UBR3: variants seen among roughly 807,000 people sequenced by gnomAD.
The protein encoded by UBR3 is E3 ubiquitin-protein ligase UBR3.
Under a neutral mutation model 243.2 loss-of-function variants are expected in UBR3, and 85 were observed. That is an observed-to-expected ratio of 0.35 (90% CI 0.29 to 0.42). The LOEUF is 0.42. Ranked by LOEUF, UBR3 falls within the 10% of genes least tolerant of loss-of-function variation. The pLI, the probability that UBR3 is intolerant of heterozygous loss-of-function variation, is 1.00. For missense variants in UBR3, 1,686 were observed against 2,300.8 expected (o/e 0.73, Z 5.47); for synonymous variants, 748 against 799.8 (o/e 0.94, Z 1.09).
At chr2:170,050,904 T>G (rs954243470) in intron 32 of UBR3, among the ~76,000 whole-genome samples, 2 of 152,234 alleles carry the variant, frequency 1.3e-5, no homozygotes, top group Non-Finnish European at 2.9e-5. Flanking sequence ...CATGGGAGAT[T>G]GGTTCCACGA....
chr2:169,888,888 C>G (rs941590754), intron 5 of UBR3, among the ~76,000 whole-genome samples: 5 of 151,936 alleles, frequency 3.3e-5, no homozygotes, highest in Admixed American at 3.3e-4. Context: ...TATATATTTA[C>G]CTAATCATCT....
intron 9 of UBR3, among the ~76,000 whole-genome samples, chr2:169,905,739 C>T (rs976841667): frequency 3.3e-5 from 5 of 152,078 alleles, no homozygotes; most frequent in African/African-American, 1.2e-4. Flanking sequence ...ATTCGTAACA[C>T]GTAAAGCTTT....
chr2:169,989,188 A>T (rs772088981), intron 25 of UBR3, among the ~76,000 whole-genome samples: 4 of 152,236 alleles, frequency 2.6e-5, no homozygotes, highest in Non-Finnish European at 4.4e-5. Context: ...GTTAAAAAGA[A>T]AGGTCTTGTT....
At chr2:170,004,694 T>G (rs1186249425) in intron 27 of UBR3, among the ~76,000 whole-genome samples, 1 of 149,854 alleles carries the variant, frequency 6.7e-6, no homozygotes, top group Non-Finnish European at 1.5e-5. Context: ...GTGGATCACC[T>G]GAGGTCAGGA....
intron 1 of UBR3, among the ~76,000 whole-genome samples, chr2:169,859,875 C>A (rs369881748): frequency 5.3e-5 from 8 of 152,080 alleles, no homozygotes; most frequent in Non-Finnish European, 1.2e-4. Context: ...CGCTACCACA[C>A]CCGGCTAATT....
chr2:169,941,460 G>C (rs2086584388), intron 19 of UBR3, among the ~76,000 whole-genome samples: 1 of 152,126 alleles, frequency 6.6e-6, no homozygotes, highest in African/African-American at 2.4e-5. Context: ...ATTATTTCTG[G>C]AGATTTTCAT....
chr2:169,956,082 C>T (rs1409462608), intron 23 of UBR3, among the ~76,000 whole-genome samples: 1 of 151,822 alleles, frequency 6.6e-6, no homozygotes, highest in Non-Finnish European at 1.5e-5. Flanking sequence ...ACTGTGAGTT[C>T]ACTCTGATAC....
At position 170,034,531 on chromosome 2, in the gene UBR3, A is replaced by G. The variant is rs532096053; in HGVS notation, c.4556+5083A>G. Among the ~76,000 whole-genome samples, 19 of 152,076 alleles carry G rather than the reference A, an allele frequency of 1.2e-4. No individual in the cohort carries two copies. The South Asian group carries it at 3.9e-3, about 32-fold the overall frequency. ...GATAGCTCATTTCTATATAATAGAA[A>G]TAACAATCCATTGTCTGTACCACAA... On this transcript the variant is annotated intron_variant, in intron 31 of 38. Coordinates refer to ENST00000272793, the MANE Select transcript of UBR3 (RefSeq NM_172070.4).
intron 1 of UBR3, among the ~76,000 whole-genome samples, chr2:169,840,010 A>G (rs1193572242): frequency 6.6e-6 from 1 of 152,208 alleles, no homozygotes; most frequent in African/African-American, 2.4e-5. Context: ...TTAAGGATTC[A>G]GGGTGGGAGG....
intron 1 of UBR3, among the ~76,000 whole-genome samples, chr2:169,859,081 CTTTTTTTTTTTTT>C (rs575814312): frequency 1.0e-5 from 1 of 99,748 alleles, no homozygotes; most frequent in African/African-American, 4.3e-5. Flanking sequence ...CTCACCATGG[CTTTTTTTTTTTTT>C]TTTTTTTTTG....
Position 170,059,317 on chromosome 2 carries a change from T to C in UBR3, c.4786-1762T>C, listed in dbSNP as rs145360729. Among the ~76,000 whole-genome samples, 669 of 152,326 alleles carry C rather than the reference T, an allele frequency of 4.4e-3. 5 individuals are homozygous for C. The highest frequency in any genetic ancestry group is 9.4e-3 in the Admixed American group (144 of 15,306). On this transcript the variant is annotated intron_variant, in intron 33 of 38. Coordinates refer to ENST00000272793, the MANE Select transcript of UBR3 (RefSeq NM_172070.4). ...CACTCAGTGACTTACTTAGCTGATC[T>C]GAACAGAAATACTCTTCTGTTGTAC...
chr2:170,006,756 GTAAGA>G (rs1466531042), intron 27 of UBR3, among the ~76,000 whole-genome samples: 2 of 152,166 alleles, frequency 1.3e-5, no homozygotes, highest in Non-Finnish European at 2.9e-5. Context: ...TGAGAGAAGA[GTAAGA>G]TACTTAAACA....
intron 36 of UBR3, among the ~76,000 whole-genome samples, chr2:170,074,665 T>A (rs980920841): frequency 1.3e-5 from 2 of 152,218 alleles, no homozygotes; most frequent in Admixed American, 6.5e-5. Context: ...GTTTGCTAAG[T>A]AACATTTACC....
intron 7 of UBR3, 143 bp from the exon 8 acceptor site, chr2:169,896,364 A>G (rs2084592070): frequency 1.8e-6 from 1 of 546,484 alleles, no homozygotes; most frequent in Non-Finnish European, 3.1e-6. Flanking sequence ...AGACTACCTC[A>G]CCATCGAGAT....
chr2:169,945,354 C>A (rs2086748534), intron 20 of UBR3, among the ~76,000 whole-genome samples: 1 of 152,098 alleles, frequency 6.6e-6, no homozygotes, highest in African/African-American at 2.4e-5. Context: ...AATATAGAAG[C>A]CCTCTGAATA....
At chr2:169,892,954 T>C (rs1051699170) in intron 6 of UBR3, among the ~76,000 whole-genome samples, 5 of 152,340 alleles carry the variant, frequency 3.3e-5, no homozygotes, top group East Asian at 3.9e-4. Flanking sequence ...GCTTTAGTCA[T>C]GCATTTACAG....
intron 1 of UBR3, among the ~76,000 whole-genome samples, chr2:169,831,127 ATTTTTTTTTTTT>A (rs34139528): frequency 2.7e-4 from 15 of 56,436 alleles, no homozygotes; most frequent in Non-Finnish European, 3.7e-4. Flanking sequence ...ATATATATAT[ATTTTTTTTTTTT>A]TTTTTTTTTT....
Position 169,828,062 on chromosome 2 carries a change from G to A in UBR3, c.545+10G>A, listed in dbSNP as rs761566207. On this transcript the variant is annotated intron_variant, in intron 1 of 38. Coordinates refer to ENST00000272793, the MANE Select transcript of UBR3 (RefSeq NM_172070.4). ...TGATGCGGGAGAGCGGGTGAGTGGA[G>A]CCCTCCCCGCGGGCGAGGCGACCCT... 54 of 1,363,610 alleles carry A rather than the reference G, an allele frequency of 4.0e-5. No individual in the cohort carries two copies. The Admixed American group carries it at 4.4e-4, about 11-fold the overall frequency. The allele number at this position is 1,363,610 out of a possible 1,614,324, so 84.5% of individuals were successfully genotyped here.
chr2:169,987,392 C>CAAAAA, intron 25 of UBR3, among the ~76,000 whole-genome samples: 1 of 65,996 alleles, frequency 1.5e-5, no homozygotes, highest in Non-Finnish European at 3.3e-5. Flanking sequence ...GACTCTGTCT[C>CAAAAA]AAAAAAAAAA....
Sources: gnomAD v4.1 joint callset for allele counts (sites outside exome capture counted in the v4.1 genomes callset) on GRCh38, gnomAD v4.1.1 for gene constraint, MANE v1.5 for transcripts, NCBI Gene and HGNC (gene_info 2026-07-23, HGNC 2026-07-21) for gene names.